The following TENM4 variants were observed in gnomAD, a reference collection of about 807,000 sequenced individuals.
TENM4 encodes the protein teneurin-4.
Under a neutral mutation model 243.3 loss-of-function variants are expected in TENM4, and 82 were observed. The ratio of observed to expected loss-of-function variants is 0.34; its 90% CI spans 0.28 to 0.40. The LOEUF is 0.40. TENM4 is among the 10% of genes least tolerant of loss of function. The probability of loss-of-function intolerance (pLI) is 1.00; values close to 1 mark genes in which losing one functional copy is unlikely to be tolerated. For missense variants in TENM4, 3,138 were observed against 3,673.3 expected, an observed-to-expected ratio of 0.85 and a Z score of 3.77; for synonymous variants, 1,412 against 1,456.3, an observed-to-expected ratio of 0.97 and a Z score of 0.69.
chr11:78,926,276 T>C (rs2136403734), intron 6 of TENM4, among the ~76,000 whole-genome samples: 1 of 72,824 alleles, frequency 1.4e-5, no homozygotes, highest in East Asian at 2.2e-4. Context: ...AAGAACTGAC[T>C]TTTTTTTTTT....
At chr11:79,392,451 C>T (rs929714184) in intron 1 of TENM4, among the ~76,000 whole-genome samples, 1 of 152,212 alleles carries the variant, frequency 6.6e-6, no homozygotes, top group Non-Finnish European at 1.5e-5. Flanking sequence ...GGGTTGCTTG[C>T]TAGTGAAAGT....
chr11:78,889,689 C>T (rs1855619374), intron 9 of TENM4, 96 bp downstream of exon 9: 2 of 1,330,188 alleles, frequency 1.5e-6, no homozygotes, highest in South Asian at 1.4e-5. Flanking sequence ...CTTTGCCTGC[C>T]ATGCTAGTAA....
chr11:79,382,050 T>A (rs758045008), intron 1 of TENM4, among the ~76,000 whole-genome samples: 6 of 152,186 alleles, frequency 3.9e-5, no homozygotes, highest in Non-Finnish European at 8.8e-5. Flanking sequence ...TGGTAGAATA[T>A]TTTTGCATAA....
intron 1 of TENM4, among the ~76,000 whole-genome samples, chr11:79,431,600 C>A (rs145876803): frequency 6.6e-6 from 1 of 152,206 alleles, no homozygotes; most frequent in African/African-American, 2.4e-5. Flanking sequence ...TCCCAGCACC[C>A]TCTCCAGGAT....
intron 1 of TENM4, among the ~76,000 whole-genome samples, chr11:79,381,043 G>A (rs1041813416): frequency 1.6e-4 from 24 of 152,036 alleles, no homozygotes; most frequent in African/African-American, 5.8e-4. Context: ...GAACACAACA[G>A]GCCTCTCTAG....
At chr11:79,436,575 G>GA (rs1859275814) in intron 1 of TENM4, among the ~76,000 whole-genome samples, 1 of 152,164 alleles carries the variant, frequency 6.6e-6, no homozygotes, top group Non-Finnish European at 1.5e-5. Context: ...GAGTCCGTGG[G>GA]AACCCATTAC....
At chr11:79,023,489 G>A (rs892587885) in intron 6 of TENM4, among the ~76,000 whole-genome samples, 1 of 151,796 alleles carries the variant, frequency 6.6e-6, no homozygotes, top group African/African-American at 2.4e-5. Flanking sequence ...TTGAACCTGG[G>A]AGGTGGAGGT....
intron 1 of TENM4, among the ~76,000 whole-genome samples, chr11:79,432,248 C>G (rs1007417482): frequency 6.6e-6 from 1 of 152,144 alleles, no homozygotes; most frequent in Admixed American, 6.5e-5. Flanking sequence ...TTCTTCCTCC[C>G]TCATCTCTGT....
intron 1 of TENM4, among the ~76,000 whole-genome samples, chr11:79,305,892 T>G (rs1055285451): frequency 1.3e-5 from 2 of 152,204 alleles, no homozygotes; most frequent in Non-Finnish European, 2.9e-5. Context: ...TCTAGCAGCC[T>G]GGCCACAGCA....
Position 78,701,801 on chromosome 11 carries a change from TC to T in TENM4, c.4811del (p.Gly1604GlufsTer26). On this transcript the variant is annotated frameshift_variant, in exon 28 of 34. Transcript: ENST00000278550. LOFTEE classifies it high-confidence loss of function. ...KHLYTQSLPT[G>X]DYLYNFTYTG... Reference sequence around the variant, plus strand: ...TGTAGGTGAAGTTGTACAGGTAGTCTCCTGTGGGCAGGCTTTGGGTGTACAG... The same window carrying T: ...TGTAGGTGAAGTTGTACAGGTAGTCTCTGTGGGCAGGCTTTGGGTGTACAG... 6.2e-7 allele frequency: 1 copy of T among 1,614,006 alleles called. No individual in the cohort carries two copies. Among genetic ancestry groups the T allele is most frequent in the Non-Finnish European group, 8.5e-7 (1 of 1,179,882 alleles).
chr11:78,745,124 G>A lies in TENM4; in HGVS notation c.2757-6554C>T, dbSNP rs185416159. On this transcript the variant is annotated intron_variant, in intron 19 of 33. Coordinates refer to ENST00000278550, the MANE Select transcript of TENM4 (RefSeq NM_001098816.3). ...TTTATACAGATACACAGACAGACAC[G>A]CATACAAACAATTATGATGTAATAT... Among the ~76,000 whole-genome samples the A allele has an allele frequency of 3.8e-4, 57 of 151,814 alleles. 1 individual carries two copies. The highest frequency in any genetic ancestry group is 3.2e-3 in the Admixed American group (49 of 15,246).
intron 9 of TENM4, among the ~76,000 whole-genome samples, chr11:78,872,098 C>T (rs1271877419): frequency 2.6e-5 from 4 of 152,074 alleles, no homozygotes; most frequent in African/African-American, 9.7e-5. Context: ...ACCGAGGATC[C>T]AGAATTGTCT....
intron 4 of TENM4, among the ~76,000 whole-genome samples, chr11:79,139,815 T>TATATAAATATATAATATATATTA (rs1565220975): frequency 1.3e-5 from 1 of 78,722 alleles, no homozygotes; most frequent in African/African-American, 7.7e-5. Flanking sequence ...AATATATATT[T>TATATAAATATATAATATATATTA]TATATTTATA....
intron 6 of TENM4, among the ~76,000 whole-genome samples, chr11:78,943,981 T>C (rs1371107492): frequency 6.6e-6 from 1 of 152,224 alleles, no homozygotes; most frequent in Non-Finnish European, 1.5e-5. Context: ...TGCGTTTCTG[T>C]TCCCCACCTT....
At chr11:79,271,976 A>T (rs1855977018) in intron 2 of TENM4, among the ~76,000 whole-genome samples, 1 of 152,144 alleles carries the variant, frequency 6.6e-6, no homozygotes, top group Non-Finnish European at 1.5e-5. Context: ...AACATAGATG[A>T]TCTCATTTGG....
intron 4 of TENM4, among the ~76,000 whole-genome samples, chr11:79,132,271 G>T (rs1194417475): frequency 6.7e-6 from 1 of 149,064 alleles, no homozygotes; most frequent in Non-Finnish European, 1.5e-5. Flanking sequence ...GCGTGAACCT[G>T]GGAGGCGGAG....
rs537198901 is a variant in TENM4, at chr11:78,704,549, T to A, written c.4210-2146A>T. 3.9e-5 allele frequency among the ~76,000 whole-genome samples: 6 copies of A among 152,224 alleles called. No individual in the cohort carries two copies. In the South Asian group the frequency reaches 1.2e-3, roughly 32 times the overall value. On this transcript the variant is annotated intron_variant, in intron 27 of 33. Transcript: ENST00000278550. The stretch of plus-strand genomic sequence containing the variant: ...AGTGATGTTATAGATGGATATTTAA[T>A]GACATGGAGAAATGTTTGCTATGTA...
intron 1 of TENM4, among the ~76,000 whole-genome samples, chr11:79,312,053 G>A (rs1234432756): frequency 1.3e-5 from 2 of 152,184 alleles, no homozygotes; most frequent in Non-Finnish European, 2.9e-5. Context: ...ATCTTCATGT[G>A]AGGAGTTCCT....
intron 1 of TENM4, among the ~76,000 whole-genome samples, chr11:79,363,434 A>G (rs1857624306): frequency 6.6e-6 from 1 of 152,262 alleles, no homozygotes; most frequent in Non-Finnish European, 1.5e-5. Context: ...TGTAATAACT[A>G]TGGAATTTGA....
Sources: allele counts gnomAD v4.1 joint callset (sites outside exome capture counted in the v4.1 genomes callset), GRCh38; gene constraint gnomAD v4.1.1; transcripts MANE v1.5; gene names NCBI Gene and HGNC (gene_info 2026-07-23, HGNC 2026-07-21).